Variants in BRD3 observed in about 807,000 individuals in gnomAD.
The protein encoded by BRD3 is bromodomain containing 3.
Under a neutral mutation model 66.8 loss-of-function variants are expected in BRD3, and 17 were observed. The ratio of observed to expected loss-of-function variants is 0.25; its 90% CI spans 0.17 to 0.38. BRD3 has a LOEUF of 0.38. Ranked by LOEUF, BRD3 falls within the 10% of genes least tolerant of loss-of-function variation. The pLI, the probability that BRD3 is intolerant of heterozygous loss-of-function variation, is 1.00. For synonymous variants in BRD3, 421 were observed against 393.2 expected (o/e 1.07, Z -0.84); for missense variants, 713 against 956.1 (o/e 0.75, Z 3.35).
At chr9:134,042,792 TACACAC>T (rs58646444) in intron 7 of BRD3, among the ~76,000 whole-genome samples, 1,833 of 147,906 alleles carry the variant, frequency 0.012, 14 homozygotes, top group Non-Finnish European at 0.018. Context: ...TACACAAATA[TACACAC>T]ACACACACAC....
At chr9:134,067,721 C>T (rs1830699630) in intron 1 of BRD3, among the ~76,000 whole-genome samples, 1 of 143,702 alleles carries the variant, frequency 7.0e-6, no homozygotes, top group Non-Finnish European at 1.5e-5. Context: ...GCGCCACCGC[C>T]GCCGCCACCG....
intron 1 of BRD3, among the ~76,000 whole-genome samples, chr9:134,062,971 G>C (rs1444706488): frequency 6.6e-6 from 1 of 152,152 alleles, no homozygotes; most frequent in Admixed American, 6.5e-5. Flanking sequence ...AGCTGCGGCA[G>C]GCCCACCTAG....
In BRD3 at chr9:134,044,707, CCA is replaced by C. The variant is rs149512400; in HGVS notation, c.1215+584_1215+585del. Among the ~76,000 whole-genome samples the C allele has an allele frequency of 3.2e-4, 48 of 151,942 alleles. 1 individual carries two copies. The highest frequency in any genetic ancestry group is 5.4e-4 in the Non-Finnish European group (37 of 67,928). On this transcript the variant is annotated intron_variant, in intron 7 of 11. Coordinates refer to ENST00000303407, the MANE Select transcript of BRD3 (RefSeq NM_007371.4). ...CAGGAGCACACACACGCACACACGT[CCA>C]CACACACACACAAATATCTCTGTGA... is the stretch of plus-strand genomic sequence containing the variant.
intron 7 of BRD3, among the ~76,000 whole-genome samples, chr9:134,044,043 C>T (rs2132405133): frequency 6.6e-6 from 1 of 152,372 alleles, no homozygotes; most frequent in East Asian, 1.9e-4. Context: ...GGTTTCCGTC[C>T]TCTATGCTCA....
At chr9:134,064,618 C>T (rs1343195090) in intron 1 of BRD3, among the ~76,000 whole-genome samples, 4 of 151,928 alleles carry the variant, frequency 2.6e-5, no homozygotes, top group African/African-American at 7.3e-5. Context: ...CCCAGCACTT[C>T]AGGAGGCAGA....
Position 134,036,092 on chromosome 9 carries a change from A to G in BRD3, c.1876T>C (p.Leu626=). The G allele has an allele frequency of 1.2e-6, 2 of 1,614,120 alleles. No homozygotes were observed. The highest frequency in any genetic ancestry group is 8.5e-7 in the Non-Finnish European group (1 of 1,179,990). Residue 626 remains leucine (L), a synonymous_variant, in exon 10 of 12, where the codon TTG becomes CTG. Coordinates refer to ENST00000303407, the MANE Select transcript of BRD3 (RefSeq NM_007371.4). ...IDFETLKPTT[L]RELERYVKSC... ...TTGACATATCTCTCCAGTTCCCGCAAAGTGGTGGGTTTCAGAGTCTCAAAG... is the reference window on the plus strand; with the variant it reads ...TTGACATATCTCTCCAGTTCCCGCAGAGTGGTGGGTTTCAGAGTCTCAAAG...
chr9:134,056,444 G>C (rs1390183947), intron 1 of BRD3, among the ~76,000 whole-genome samples: 2 of 152,180 alleles, frequency 1.3e-5, no homozygotes, highest in Admixed American at 1.3e-4. Flanking sequence ...CCTGCCCTCT[G>C]AGACACCTAC....
chr9:134,047,541 C>A (rs867257640), intron 6 of BRD3, among the ~76,000 whole-genome samples: 1 of 152,184 alleles, frequency 6.6e-6, no homozygotes, highest in Non-Finnish European at 1.5e-5. Flanking sequence ...CAGAGGCTGC[C>A]GCCTTGAGAA....
chr9:134,053,946 C>G, intron 1 of BRD3: 1 of 184,274 alleles, frequency 5.4e-6, no homozygotes, highest in South Asian at 1.4e-4. Context: ...CCACCAACCA[C>G]CCACTCGTGG....
chr9:134,059,685 G>A (rs528672346), intron 1 of BRD3, among the ~76,000 whole-genome samples: 34 of 152,306 alleles, frequency 2.2e-4, no homozygotes, highest in African/African-American at 7.7e-4. Flanking sequence ...AATGTGAACC[G>A]AGAAGGGTCT....
chr9:134,041,664 C>T lies in BRD3; in HGVS notation c.1407+96G>A, dbSNP rs1397835777. 3.5e-6 allele frequency: 5 copies of T among 1,432,364 alleles called. No homozygotes were observed. In the East Asian group the frequency reaches 1.2e-4, roughly 36 times the overall value. 88.7% of individuals were successfully genotyped at this position (1,432,364 alleles called of 1,614,324 possible). ...TACCGCGGCTGCTGAGGGACAGGGG[C>T]AGAGGAAGGAACCATGCAAAGGGAC... On this transcript the variant is annotated intron_variant, in intron 8 of 11. Coordinates refer to ENST00000303407, the MANE Select transcript of BRD3 (RefSeq NM_007371.4).
intron 1 of BRD3, chr9:134,054,277 C>T (rs1031491834): frequency 6.6e-6 from 1 of 152,238 alleles, no homozygotes; most frequent in Non-Finnish European, 1.5e-5. Flanking sequence ...CAGCTGACCA[C>T]AGGGAGCTCT....
At chr9:134,046,867 G>T (rs1030420175) in intron 6 of BRD3, among the ~76,000 whole-genome samples, 11 of 152,224 alleles carry the variant, frequency 7.2e-5, no homozygotes, top group Admixed American at 3.3e-4. Flanking sequence ...TGGTTTCAAG[G>T]GCAAATCAGA....
intron 9 of BRD3, among the ~76,000 whole-genome samples, chr9:134,037,917 G>A (rs549084968): frequency 4.3e-4 from 65 of 152,232 alleles, no homozygotes; most frequent in Non-Finnish European, 8.1e-4. Context: ...TTGACAATCC[G>A]AGTGGAATGG....
In BRD3 at chr9:134,048,299, C is replaced by A; in HGVS notation, c.870G>T (p.Lys290Asn). 2 of 1,603,472 alleles carry A rather than the reference C, an allele frequency of 1.2e-6. No individual in the cohort carries two copies. Among genetic ancestry groups the A allele is most frequent in the Non-Finnish European group, 1.7e-6 (2 of 1,178,706 alleles). Residue 290 changes from lysine to asparagine, a missense_variant, in exon 6 of 12, where the codon AAG (lysine) becomes AAT (asparagine). Around this residue, in one of 5 missense-constraint regions of BRD3, gnomAD observed 418 missense variants for 609.3 expected, o/e 0.69. Transcript: ENST00000303407. ...GCACCTCGCCGTCCTCCAGGTCCTTCTTGGGAGGCTTGATGGGGCGGCCAC... is the reference window on the plus strand; with the variant it reads ...GCACCTCGCCGTCCTCCAGGTCCTTATTGGGAGGCTTGATGGGGCGGCCAC... ...ESGGRPIKPP[K>N]KDLEDGEVPQ...
rs1830709537 is a variant in BRD3, at chr9:134,068,000, T to G, written c.-169A>C. 7.2e-6 allele frequency: 1 copy of G among 139,124 alleles called. No homozygotes were observed. The highest frequency in any genetic ancestry group is 1.6e-5 in the Non-Finnish European group (1 of 63,244). The allele number at this position is 139,124 out of a possible 1,614,324, so 8.6% of individuals were successfully genotyped here. ...CCCGGCCCGCGCGGCCGGCTCCTCTTTGGCTCGCCGGCCCCGGCAGCATAA... is the reference window on the plus strand; with the variant it reads ...CCCGGCCCGCGCGGCCGGCTCCTCTGTGGCTCGCCGGCCCCGGCAGCATAA... On this transcript the variant is annotated 5_prime_UTR_variant, in exon 1 of 12. Coordinates refer to ENST00000303407, the MANE Select transcript of BRD3 (RefSeq NM_007371.4).
intron 3 of BRD3, 147 bp downstream of exon 3, chr9:134,052,159 C>G: frequency 2.0e-6 from 2 of 1,012,296 alleles, no homozygotes; most frequent in Non-Finnish European, 2.8e-6. Context: ...TCCCAAAGTG[C>G]TGGGATTACA....
intron 4 of BRD3, among the ~76,000 whole-genome samples, chr9:134,051,341 G>A (rs1348472289): frequency 6.6e-6 from 1 of 152,206 alleles, no homozygotes; most frequent in East Asian, 1.9e-4. Flanking sequence ...CCCAGCGTGG[G>A]CTCAAAGGCA....
At chr9:134,063,190 G>A (rs1408006706) in intron 1 of BRD3, among the ~76,000 whole-genome samples, 2 of 152,218 alleles carry the variant, frequency 1.3e-5, no homozygotes, top group African/African-American at 4.8e-5. Flanking sequence ...CACAAATGCC[G>A]AGGACTGCAG....
Sources: allele counts gnomAD v4.1 joint callset (sites outside exome capture counted in the v4.1 genomes callset), GRCh38; gene constraint gnomAD v4.1.1; regional missense constraint gnomAD v4.1.1; transcripts MANE v1.5; gene names NCBI Gene and HGNC (gene_info 2026-07-23, HGNC 2026-07-21).